Variants in TOX2 observed in about 807,000 individuals in gnomAD.
TOX2 encodes TOX high mobility group box family member 2, also known as granulosa cell HMG box 1.
In TOX2, 15 loss-of-function variants were observed where a neutral mutation model predicts 47.4. The observed-to-expected ratio is 0.32, with a 90% CI of 0.21 to 0.49. The LOEUF (loss-of-function observed/expected upper bound fraction) is 0.49. Ranked by LOEUF, TOX2 falls within the 20% of genes least tolerant of loss-of-function variation. The pLI is 0.99. For missense variants in TOX2, 622 were observed against 673.1 expected (o/e 0.92, Z 0.84); for synonymous variants, 290 against 296.6 (o/e 0.98, Z 0.23).
chr20:43,951,553 G>A lies in TOX2; in HGVS notation c.100-21814G>A, dbSNP rs555082358. ...GATCGTGCCATTGCAATCCAGCCTG[G>A]GCAACAAGAATGAAACTCCACCTCA... On this transcript the variant is annotated intron_variant, in intron 1 of 8. Transcript: ENST00000341197. Among the ~76,000 whole-genome samples, 8 of 151,956 alleles carry A rather than the reference G, an allele frequency of 5.3e-5. No homozygotes were observed. In the East Asian group the frequency reaches 1.4e-3, roughly 26 times the overall value.
chr20:43,933,898 G>A (rs1454042669), intron 1 of TOX2, among the ~76,000 whole-genome samples: 1 of 152,178 alleles, frequency 6.6e-6, no homozygotes, highest in Non-Finnish European at 1.5e-5. Flanking sequence ...ATCTTTGCCT[G>A]AGGATGGCCT....
chr20:43,934,929 C>A (rs1381455431), intron 1 of TOX2, among the ~76,000 whole-genome samples: 1 of 151,948 alleles, frequency 6.6e-6, no homozygotes, highest in African/African-American at 2.4e-5. Context: ...TCTATTTTTG[C>A]TGTAAGTGTT....
chr20:43,922,313 A>T (rs905943896), intron 1 of TOX2, among the ~76,000 whole-genome samples: 3 of 152,222 alleles, frequency 2.0e-5, no homozygotes, highest in African/African-American at 7.2e-5. Flanking sequence ...TACCTAGTAG[A>T]TGCCAAGAGC....
At chr20:44,015,000 T>C (rs1314973874) in intron 3 of TOX2, among the ~76,000 whole-genome samples, 1 of 152,132 alleles carries the variant, frequency 6.6e-6, no homozygotes, top group African/African-American at 2.4e-5. Context: ...CAATGCTTCT[T>C]GGCATCGTGA....
intron 5 of TOX2, among the ~76,000 whole-genome samples, chr20:44,063,526 C>G (rs1221935717): frequency 6.6e-6 from 1 of 152,220 alleles, no homozygotes; most frequent in East Asian, 1.9e-4. Context: ...CTAGTACATC[C>G]ACTGTGAAAA....
chr20:44,063,400 G>C (rs1214197145), intron 5 of TOX2, among the ~76,000 whole-genome samples: 1 of 152,108 alleles, frequency 6.6e-6, no homozygotes, highest in Non-Finnish European at 1.5e-5. Flanking sequence ...ATTATGATCA[G>C]GGAAATGCAA....
At chr20:43,997,090 G>T (rs1410107365) in intron 2 of TOX2, among the ~76,000 whole-genome samples, 1 of 152,238 alleles carries the variant, frequency 6.6e-6, no homozygotes, top group East Asian at 1.9e-4. Context: ...TTGGAAAAAG[G>T]TCAAATCACC....
At chr20:44,045,368 C>G (rs1053847804) in intron 3 of TOX2, among the ~76,000 whole-genome samples, 1 of 152,094 alleles carries the variant, frequency 6.6e-6, no homozygotes, top group African/African-American at 2.4e-5. Flanking sequence ...ATAGCCTAGA[C>G]AAAGACGTGT....
chr20:43,940,294 C>A (rs2069385447), intron 1 of TOX2, among the ~76,000 whole-genome samples: 1 of 151,946 alleles, frequency 6.6e-6, no homozygotes, highest in African/African-American at 2.4e-5. Flanking sequence ...TAGTTCACTG[C>A]AGCCTTGAAC....
rs116262378 is a variant in TOX2 at position 44,009,109 on chromosome 20, C to T, written c.411+2317C>T. Among the ~76,000 whole-genome samples, 506 of 152,342 alleles carry T rather than the reference C, an allele frequency of 3.3e-3. 4 individuals carry two copies. The highest frequency in any genetic ancestry group is 0.011 in the African/African-American group (467 of 41,580). ...TTGGGGTGGCTTGTGTCTACCTCTGCCATGACTGTTCAGAAGCCACAGTCG... is the reference window on the plus strand; with the variant it reads ...TTGGGGTGGCTTGTGTCTACCTCTGTCATGACTGTTCAGAAGCCACAGTCG... On this transcript the variant is annotated intron_variant, in intron 3 of 8. Transcript: ENST00000341197.
chr20:43,994,146 G>A (rs1409583352), intron 2 of TOX2, among the ~76,000 whole-genome samples: 1 of 151,924 alleles, frequency 6.6e-6, no homozygotes, highest in African/African-American at 2.4e-5. Flanking sequence ...GCAAGACCCT[G>A]TCTCGAAAAA....
chr20:43,923,485 G>A (rs2069132576), intron 1 of TOX2, among the ~76,000 whole-genome samples: 1 of 152,204 alleles, frequency 6.6e-6, no homozygotes, highest in South Asian at 2.1e-4. Flanking sequence ...GCCTGGGGAG[G>A]AGCTGAAAGT....
intron 2 of TOX2, among the ~76,000 whole-genome samples, chr20:43,982,406 A>G (rs1357099224): frequency 6.6e-6 from 1 of 152,172 alleles, no homozygotes; most frequent in Non-Finnish European, 1.5e-5. Flanking sequence ...TTTACTCAAA[A>G]GAGACTAATG....
At chr20:44,031,341 T>G (rs1188608302) in intron 3 of TOX2, among the ~76,000 whole-genome samples, 1 of 152,120 alleles carries the variant, frequency 6.6e-6, no homozygotes, top group African/African-American at 2.4e-5. Flanking sequence ...AATGCCACTT[T>G]CCCCGTTCAC....
In TOX2 at chr20:44,051,244, A is replaced by G; in HGVS notation, c.412-62A>G. On this transcript the variant is annotated intron_variant, in intron 3 of 8. Transcript: ENST00000341197. The stretch of plus-strand genomic sequence containing the variant: ...TTCCCTCCTCTAAGTCCGCTAGCAC[A>G]GATGTGATGGAGTGGCAGGACAGAT... 3 of 1,540,278 alleles carry G rather than the reference A, an allele frequency of 1.9e-6. No homozygotes were observed. The South Asian group carries it at 3.8e-5, about 19-fold the overall frequency.
intron 1 of TOX2, among the ~76,000 whole-genome samples, chr20:43,927,691 T>G (rs1447983848): frequency 5.0e-5 from 5 of 99,370 alleles, no homozygotes; most frequent in African/African-American, 3.1e-4. Context: ...CTTCCTTCCC[T>G]TCCCCTTCCT....
chr20:43,953,789 T>G (rs1042604171), intron 1 of TOX2, among the ~76,000 whole-genome samples: 1 of 152,028 alleles, frequency 6.6e-6, no homozygotes, highest in African/African-American at 2.4e-5. Flanking sequence ...AGGAGCCTAG[T>G]AGGATTTTGA....
intron 3 of TOX2, chr20:44,039,353 A>C: frequency 3.2e-6 from 4 of 1,260,262 alleles, no homozygotes; most frequent in Non-Finnish European, 4.1e-6. Flanking sequence ...ACAGATCCTC[A>C]TGGAGCATTT....
intron 1 of TOX2, among the ~76,000 whole-genome samples, chr20:43,958,299 A>G (rs1037566405): frequency 1.9e-4 from 29 of 152,162 alleles, no homozygotes; most frequent in Admixed American, 1.2e-3. Flanking sequence ...CTTTAAGAAT[A>G]TTGCTTTAAA....
Sources: gnomAD v4.1 joint callset for allele counts (sites outside exome capture counted in the v4.1 genomes callset) on GRCh38, gnomAD v4.1.1 for gene constraint, MANE v1.5 for transcripts, NCBI Gene and HGNC (gene_info 2026-07-23, HGNC 2026-07-21) for gene names.